Variants in GNL3 observed in about 807,000 individuals in gnomAD.
GNL3 encodes the protein G protein nucleolar 3.
GNL3 carries 77 observed loss-of-function variants against 70.6 expected under a neutral mutation model. The ratio of observed to expected loss-of-function variants is 1.09; its 90% CI spans 0.91 to 1.32. The LOEUF is 1.32. Ranked by LOEUF, GNL3 falls within the 40% of genes most tolerant of loss-of-function variation. The probability of loss-of-function intolerance (pLI) is 0.00; values close to 1 mark genes in which losing one functional copy is unlikely to be tolerated. For synonymous variants in GNL3, 252 were observed against 216.1 expected (o/e 1.17, Z -1.46); for missense variants, 634 against 644.0 (o/e 0.98, Z 0.17).
chr3:52,686,015 C>T, upstream of GNL3: 3 of 802,094 alleles, frequency 3.7e-6, no homozygotes, highest in Admixed American at 1.7e-5. Context: ...AAGTGCGTGA[C>T]GCTCGTCAGT....
intron 13 of GNL3, 48 bp downstream of exon 13, chr3:52,693,855 T>A: frequency 6.7e-7 from 1 of 1,488,652 alleles, no homozygotes; most frequent in Non-Finnish European, 9.3e-7. Context: ...TTTCTAGCAT[T>A]ATAATACATA....
Position 52,693,023 on chromosome 3 carries a change from C to G in GNL3, c.1021C>G (p.Leu341Val). 1 of 1,614,186 alleles carries G rather than the reference C, an allele frequency of 6.2e-7. No homozygotes were observed. Among genetic ancestry groups the G allele is most frequent in the Non-Finnish European group, 8.5e-7 (1 of 1,180,010 alleles). ...VKPMEAASAI[L>V]SQADARQVVL... The stretch of plus-strand genomic sequence containing the variant: ...ACCGATGGAGGCTGCCAGTGCCATC[C>G]TTTCCCAGGCTGATGCTCGACAGGT... Residue 341 changes from leucine (L) to valine (V), a missense_variant, in exon 10 of 15, where the codon CTT becomes GTT. By Grantham distance (32) the Leu-to-Val change is conservative. Transcript: ENST00000418458.
In GNL3 at chr3:52,693,503, A is replaced by G. The variant is rs780425033; in HGVS notation, c.1283A>G (p.Asn428Ser). ...GTGGTAGACATGAAAAGCGGCTTCA[A>G]TCTGGAAGAACTGGAAAAGAACAAT... ...SIVVDMKSGF[N>S]LEELEKNNAQ... Residue 428 changes from asparagine (N) to serine (S), a missense_variant, in exon 12 of 15, where the codon AAT (asparagine) becomes AGT (serine). Coordinates refer to ENST00000418458, the MANE Select transcript of GNL3 (RefSeq NM_014366.5). 22 of 1,614,088 alleles carry G rather than the reference A, an allele frequency of 1.4e-5. No homozygotes were observed. Among genetic ancestry groups the G allele is most frequent in the African/African-American group, 4.0e-5 (3 of 74,944 alleles).
At chr3:52,691,297 G>A in intron 8 of GNL3, 1 of 605,896 alleles carries the variant, frequency 1.7e-6, no homozygotes, top group East Asian at 2.8e-5. Context: ...TGTTGGGACT[G>A]ATTACTGTAG....
chr3:52,687,007 G>C, intron 2 of GNL3, 180 bp downstream of exon 2: 1 of 629,680 alleles, frequency 1.6e-6, no homozygotes, highest in South Asian at 2.0e-5. Context: ...GCAGTGATTT[G>C]GTGATAAGTC....
chr3:52,690,571 C>G (rs759911412), intron 6 of GNL3, 21 bp from the exon 7 acceptor site: 8 of 1,421,210 alleles, frequency 5.6e-6, no homozygotes, highest in Non-Finnish European at 7.0e-6. Flanking sequence ...CCGCAAATGT[C>G]TTATTTCTAA....
intron 8 of GNL3, chr3:52,691,281 G>GT: frequency 1.6e-6 from 1 of 610,208 alleles, no homozygotes; most frequent in Non-Finnish European, 2.9e-6. Flanking sequence ...CCAGATTCAG[G>GT]TTTTTTGTTG....
intron 6 of GNL3, among the ~76,000 whole-genome samples, chr3:52,689,701 T>C (rs1157068049): frequency 1.3e-5 from 2 of 152,126 alleles, no homozygotes; most frequent in East Asian, 3.8e-4. Context: ...TAAGAAACAA[T>C]TGGCTGCTTG....
intron 4 of GNL3, 136 bp downstream of exon 4, chr3:52,687,751 G>GCT (rs1185627843): frequency 6.4e-6 from 4 of 625,466 alleles, no homozygotes; most frequent in Non-Finnish European, 1.2e-5. Flanking sequence ...TACCACCTCA[G>GCT]TCTCCAAGTA....
intron 7 of GNL3, 105 bp from the exon 8 acceptor site, chr3:52,690,840 G>A: frequency 8.1e-7 from 1 of 1,234,618 alleles, no homozygotes; most frequent in Non-Finnish European, 1.2e-6. Flanking sequence ...CATCTGAAAG[G>A]CAATGTAGTT....
chr3:52,692,664 AT>A, intron 9 of GNL3: 1 of 717,996 alleles, frequency 1.4e-6, no homozygotes, highest in Admixed American at 1.7e-5. Flanking sequence ...GTTTTGGTTG[AT>A]GTAAATATAT....
rs747287316 is a variant in GNL3, at chr3:52,690,933, T to G, written c.655-12T>G. On this transcript the variant is annotated splice_polypyrimidine_tract_variant and intron_variant, in intron 7 of 14. Coordinates refer to ENST00000418458, the MANE Select transcript of GNL3 (RefSeq NM_014366.5). The stretch of plus-strand genomic sequence containing the variant: ...TAAGTTGCCAGAATAATTCAACTAT[T>G]TGGAATTTTAGCGTGTGAAGGCAAA... 6.2e-7 allele frequency: 1 copy of G among 1,613,458 alleles called. No homozygotes were observed. Among genetic ancestry groups the G allele is most frequent in the South Asian group, 1.1e-5 (1 of 91,042 alleles).
In GNL3 at chr3:52,694,383, GTATTA is replaced by G. The variant is rs1389809143; in HGVS notation, c.*114_*118del. The G allele has an allele frequency of 1.4e-4, 92 of 639,006 alleles. No homozygotes were observed. The highest frequency in any genetic ancestry group is 2.3e-4 in the Non-Finnish European group (85 of 364,786). The allele number at this position is 639,006 out of a possible 1,614,324, so 39.6% of individuals were successfully genotyped here. A position where few individuals can be genotyped will look rare whatever the true frequency, so the allele number is the denominator to read the frequency against. On this transcript the variant is annotated 3_prime_UTR_variant, in exon 15 of 15. Coordinates refer to ENST00000418458, the MANE Select transcript of GNL3 (RefSeq NM_014366.5). ...TGAGCTGTGTAAATTTTGTGAATAT[GTATTA>G]TATTAAAACCAGGCAACTTGGAATC...
At chr3:52,692,325 CTTGTG>C (rs1480393275) in intron 9 of GNL3, among the ~76,000 whole-genome samples, 2 of 147,924 alleles carry the variant, frequency 1.4e-5, no homozygotes, top group Admixed American at 6.9e-5. Flanking sequence ...TGGGATTACA[CTTGTG>C]TTGGGTGGCA....
At chr3:52,686,335 A>G in intron 1 of GNL3, 1 of 597,246 alleles carries the variant, frequency 1.7e-6, no homozygotes, top group Non-Finnish European at 3.0e-6. Flanking sequence ...AGGGTGGGGA[A>G]GACTAGGCTA....
intron 8 of GNL3, 115 bp downstream of exon 8, chr3:52,691,186 C>A: frequency 1.2e-6 from 1 of 854,956 alleles, no homozygotes; most frequent in East Asian, 2.5e-5. Context: ...GTAAAAGGCT[C>A]ACTCAAATAC....
At chr3:52,689,375 A>G in intron 6 of GNL3, 169 bp downstream of exon 6, 1 of 740,210 alleles carries the variant, frequency 1.4e-6, no homozygotes, top group East Asian at 2.5e-5. Context: ...TGACTTTTAC[A>G]ACTGACTCAA....
At chr3:52,691,317 T>A in intron 8 of GNL3, 1 of 603,232 alleles carries the variant, frequency 1.7e-6, no homozygotes, top group Non-Finnish European at 2.9e-6. Flanking sequence ...GGAAGCTGGT[T>A]TCTAAAAGTT....
At chr3:52,689,046 G>A (rs1561254028) in intron 5 of GNL3, 28 bp from the exon 6 acceptor site, 1 of 1,598,564 alleles carries the variant, frequency 6.3e-7, no homozygotes, top group Non-Finnish European at 8.6e-7. Flanking sequence ...CCTTGATAAT[G>A]TAGTTCTGGT....
Sources: allele counts gnomAD v4.1 joint callset (sites outside exome capture counted in the v4.1 genomes callset), GRCh38; gene constraint gnomAD v4.1.1; transcripts MANE v1.5; gene names NCBI Gene and HGNC (gene_info 2026-07-23, HGNC 2026-07-21).